The following METTL15 variants were observed in gnomAD, a reference collection of about 807,000 sequenced individuals.
METTL15 encodes methyltransferase 15, mitochondrial 12S rRNA N4-cytidine.
A neutral mutation model predicts 38.3 loss-of-function variants in METTL15; 34 were observed. That is an observed-to-expected ratio of 0.89 (90% CI 0.68 to 1.18). METTL15 has a LOEUF of 1.18. Ranked by LOEUF, METTL15 falls within the 50% of genes most tolerant of loss-of-function variation. The probability of loss-of-function intolerance (pLI) is 0.00; values close to 1 mark genes in which losing one functional copy is unlikely to be tolerated. For missense variants in METTL15, 438 were observed against 498.4 expected (o/e 0.88, Z 1.15); for synonymous variants, 162 against 170.9 (o/e 0.95, Z 0.41).
At chr11:28,457,396 A>C (rs988961415) in intron 6 of METTL15, among the ~76,000 whole-genome samples, 3 of 152,216 alleles carry the variant, frequency 2.0e-5, no homozygotes, top group African/African-American at 7.2e-5. Context: ...ACCTATGAGA[A>C]GATCATGACA....
At chr11:28,275,893 A>G (rs763061128) in intron 4 of METTL15, among the ~76,000 whole-genome samples, 10 of 152,018 alleles carry the variant, frequency 6.6e-5, no homozygotes, top group Admixed American at 2.6e-4. Flanking sequence ...ATAAAATTCA[A>G]CCTCCCTTCA....
chr11:28,509,912 G>C (rs1162483069), intron 6 of METTL15, among the ~76,000 whole-genome samples: 2 of 151,296 alleles, frequency 1.3e-5, no homozygotes, highest in African/African-American at 4.9e-5. Context: ...TGGCTGCCAG[G>C]TATCATTTTT....
At chr11:28,282,501 C>T (rs562117439) in intron 4 of METTL15, among the ~76,000 whole-genome samples, 7 of 152,252 alleles carry the variant, frequency 4.6e-5, no homozygotes, top group African/African-American at 1.4e-4. Context: ...TTTCTCTTTT[C>T]TGTATGCATT....
downstream of METTL15, among the ~76,000 whole-genome samples, chr11:28,531,812 A>C (rs1487493859): frequency 6.6e-6 from 1 of 152,040 alleles, no homozygotes; most frequent in African/African-American, 2.4e-5. Context: ...CAAATAACAA[A>C]CAGCAATAGA....
chr11:28,335,249 A>G (rs887474071), downstream of METTL15, among the ~76,000 whole-genome samples: 10 of 152,162 alleles, frequency 6.6e-5, no homozygotes, highest in Admixed American at 1.3e-4. Flanking sequence ...TTCAAGTCTT[A>G]TAGGTGCTAA....
chr11:28,238,519 C>G (rs1163844575), intron 4 of METTL15, among the ~76,000 whole-genome samples: 1 of 152,168 alleles, frequency 6.6e-6, no homozygotes, highest in Non-Finnish European at 1.5e-5. Flanking sequence ...CACCCCTTTC[C>G]TTGACCAGGA....
Position 28,206,392 on chromosome 11 carries a change from A to T in METTL15, c.271-4670A>T, listed in dbSNP as rs529815155. 3.5e-3 allele frequency among the ~76,000 whole-genome samples: 534 copies of T among 152,092 alleles called. 39 individuals are homozygous for T. In the South Asian group the frequency reaches 0.1, roughly 30 times the overall value. On this transcript the variant is annotated intron_variant, in intron 3 of 6. Transcript: ENST00000407364. ...CCTTTCCCCATTTCTTGTTTTTGTC[A>T]GGTTTGTCAAAGATCAGATGGTTGT...
intron 6 of METTL15, among the ~76,000 whole-genome samples, chr11:28,322,206 ACT>A: frequency 6.6e-6 from 1 of 152,216 alleles, no homozygotes; most frequent in South Asian, 2.1e-4. Context: ...AATGGCAGAA[ACT>A]CTACAAAATT....
At chr11:28,353,953 A>AG in intron 4 of METTL15, among the ~76,000 whole-genome samples, 1 of 150,976 alleles carries the variant, frequency 6.6e-6, no homozygotes, top group East Asian at 1.9e-4. Context: ...AAAAAAAAAA[A>AG]GGTGTCAAGC....
chr11:28,307,592 T>C (rs1857125938), intron 6 of METTL15, among the ~76,000 whole-genome samples: 1 of 151,958 alleles, frequency 6.6e-6, no homozygotes, highest in South Asian at 2.1e-4. Flanking sequence ...CCTATTCTTT[T>C]AAATGGTAAA....
At chr11:28,375,607 CA>C (rs1342183266) in intron 5 of METTL15, among the ~76,000 whole-genome samples, 1 of 151,902 alleles carries the variant, frequency 6.6e-6, no homozygotes, top group African/African-American at 2.4e-5. Flanking sequence ...TTGATCCTTT[CA>C]AAAAACCAGC....
intron 4 of METTL15, among the ~76,000 whole-genome samples, chr11:28,274,198 A>G (rs1855755505): frequency 6.6e-6 from 1 of 152,032 alleles, no homozygotes; most frequent in South Asian, 2.1e-4. Flanking sequence ...TCTTACTCTT[A>G]CTGAACTTAA....
At chr11:28,346,704 A>T (rs1457357610) in intron 3 of METTL15, among the ~76,000 whole-genome samples, 1 of 152,230 alleles carries the variant, frequency 6.6e-6, no homozygotes, top group Non-Finnish European at 1.5e-5. Context: ...TTAAGAAGAA[A>T]TGTGTCTTCC....
At chr11:28,111,961 C>CA (rs1009345741) in intron 2 of METTL15, among the ~76,000 whole-genome samples, 2 of 152,014 alleles carry the variant, frequency 1.3e-5, no homozygotes, top group African/African-American at 2.4e-5. Context: ...CACTCATTCC[C>CA]CCCCCCACCG....
intron 4 of METTL15, among the ~76,000 whole-genome samples, chr11:28,237,244 A>G (rs543408407): frequency 2.0e-5 from 3 of 152,158 alleles, no homozygotes; most frequent in Non-Finnish European, 4.4e-5. Context: ...TACACCAATC[A>G]GATGCAGATT....
chr11:28,421,478 G>C (rs771522261), intron 5 of METTL15, among the ~76,000 whole-genome samples: 8 of 151,966 alleles, frequency 5.3e-5, no homozygotes, highest in Non-Finnish European at 1.2e-4. Flanking sequence ...CAAGCAAACT[G>C]AATTCAGCAA....
intron 4 of METTL15, among the ~76,000 whole-genome samples, chr11:28,220,818 C>T (rs556484032): frequency 1.1e-4 from 17 of 152,184 alleles, no homozygotes; most frequent in South Asian, 2.1e-4. Flanking sequence ...CCTTCACTCA[C>T]GAAGCTTAGT....
Position 28,201,674 on chromosome 11 carries a change from G to A in METTL15, c.271-9388G>A, listed in dbSNP as rs534643292. Among the ~76,000 whole-genome samples, 129 of 144,200 alleles carry A rather than the reference G, an allele frequency of 8.9e-4. 2 individuals carry two copies. Among genetic ancestry groups the A allele is most frequent in the Non-Finnish European group, 1.3e-3 (88 of 65,762 alleles). 94.6% of individuals were successfully genotyped at this position (144,200 alleles called of 152,430 possible). On this transcript the variant is annotated intron_variant, in intron 3 of 6. Transcript: ENST00000407364. ...CATTTTCTAGTTTATTTGTGTAGAG[G>A]TGTTTATAGTATTTTCTGATGGTAG...
At chr11:28,409,524 A>G (rs1288349019) in intron 5 of METTL15, among the ~76,000 whole-genome samples, 1 of 152,176 alleles carries the variant, frequency 6.6e-6, no homozygotes, top group East Asian at 1.9e-4. Context: ...ATGCTCCTGA[A>G]CAACAAATGG....
Sources: gnomAD v4.1 joint callset for allele counts (sites outside exome capture counted in the v4.1 genomes callset) on GRCh38, gnomAD v4.1.1 for gene constraint, MANE v1.5 for transcripts, NCBI Gene and HGNC (gene_info 2026-07-23, HGNC 2026-07-21) for gene names.